Variants in KMT2A observed in about 807,000 individuals in gnomAD.
KMT2A encodes histone-lysine N-methyltransferase 2A.
KMT2A carries 16 observed loss-of-function variants against 345.3 expected under a neutral mutation model. The ratio of observed to expected loss-of-function variants is 0.05; its 90% CI spans 0.03 to 0.07. The LOEUF (loss-of-function observed/expected upper bound fraction) is 0.07, where lower values mean the gene tolerates loss of function less well. KMT2A is among the 10% of genes least tolerant of loss of function. KMT2A has a pLI of 1.00. For missense variants in KMT2A, 3,272 were observed against 4,841.6 expected (o/e 0.68, Z 9.62); for synonymous variants, 1,599 against 1,778.6 (o/e 0.90, Z 2.54).
At chr11:118,492,486 T>C (rs1393471209) in intron 15 of KMT2A, among the ~76,000 whole-genome samples, 1 of 152,206 alleles carries the variant, frequency 6.6e-6, no homozygotes, top group Non-Finnish European at 1.5e-5. Flanking sequence ...AAGACCATCC[T>C]GGCTAACACG....
chr11:118,481,781 T>A lies in KMT2A; in HGVS notation c.3701T>A (p.Val1234Glu). 1.2e-6 allele frequency: 2 copies of A among 1,614,204 alleles called. No homozygotes were observed. Among genetic ancestry groups the A allele is most frequent in the South Asian group, 2.2e-5 (2 of 91,078 alleles). The part of the protein sequence containing the change: ...EKKDSKESSV[V>E]KNVVDSSQKP... Reference sequence around the variant, plus strand: ...AAAGACAGCAAAGAGAGCAGTGTTGTGAAGAACGTGGTGGACTCTAGTCAG... The same window carrying A: ...AAAGACAGCAAAGAGAGCAGTGTTGAGAAGAACGTGGTGGACTCTAGTCAG... Residue 1234 changes from valine (V) to glutamate (E), a missense_variant, in exon 7 of 36, where the codon GTG (valine) becomes GAG (glutamate). Physicochemically the swap from Val to Glu is moderately radical, Grantham distance 121. Transcript: ENST00000534358.
At chr11:118,518,367 G>A (rs1263103269) in intron 31 of KMT2A, among the ~76,000 whole-genome samples, 2 of 152,166 alleles carry the variant, frequency 1.3e-5, no homozygotes, top group Non-Finnish European at 2.9e-5. Context: ...AATAAAAAAT[G>A]CTCATTAACA....
Position 118,504,662 on chromosome 11 carries a change from T to G in KMT2A, c.8770T>G (p.Phe2924Val). Residue 2924 changes from phenylalanine (F) to valine (V), a missense_variant, in exon 27 of 36, where the codon TTT becomes GTT. Phe to Val is a conservative substitution (Grantham distance 50). Around this residue, in one of 27 missense-constraint regions of KMT2A, gnomAD observed 748 missense variants for 922.2 expected, o/e 0.81. Transcript: ENST00000534358. The surrounding 1 kb of genome is among the most constrained non-coding windows in gnomAD (Gnocchi z 6.4). ...TTCCTCTATCTCAGCAGAGGAACAGTTTGAGTTGCCTCTAGAGCTACCATC... is the reference window on the plus strand; with the variant it reads ...TTCCTCTATCTCAGCAGAGGAACAGGTTGAGTTGCCTCTAGAGCTACCATC... ...VSSSISAEEQ[F>V]ELPLELPSDL... 6.2e-7 allele frequency: 1 copy of G among 1,614,184 alleles called. No individual in the cohort carries two copies. The highest frequency in any genetic ancestry group is 8.5e-7 in the Non-Finnish European group (1 of 1,180,010).
chr11:118,508,381 T>G (rs7113959), intron 28 of KMT2A, among the ~76,000 whole-genome samples: 2 of 152,164 alleles, frequency 1.3e-5, no homozygotes, highest in Admixed American at 1.3e-4. Context: ...ATCTACAATA[T>G]TTTAATGAGT....
Position 118,502,954 on chromosome 11 carries a change from T to C in KMT2A, c.7062T>C (p.Phe2354=), listed in dbSNP as rs782164421. 74 of 1,614,088 alleles carry C rather than the reference T, an allele frequency of 4.6e-5. 1 individual carries two copies. Among genetic ancestry groups the C allele is most frequent in the Middle Eastern group, 1.6e-4 (1 of 6,084 alleles). The change falls in exon 27 of 36, where the codon TTT becomes TTC. Residue 2354 remains phenylalanine, a synonymous_variant. Coordinates refer to ENST00000534358, the MANE Select transcript of KMT2A (RefSeq NM_001197104.2). This position sits in a 1 kb window ranked among gnomAD's most constrained non-coding sequence, Gnocchi z 4.9. ...RELNVSKIGS[F]AEPSSVSFSS... ...TGAATGTTAGTAAAATCGGCTCCTT[T>C]GCTGAACCCTCTTCAGTGTCGTTTT...
chr11:118,499,457 A>G (rs1439886218), intron 23 of KMT2A, 37 bp downstream of exon 23: 1 of 1,305,380 alleles, frequency 7.7e-7, no homozygotes, highest in Non-Finnish European at 1.1e-6. Context: ...AAGGCTGTAT[A>G]TATCATTGGG....
At position 118,471,785 on chromosome 11, in the gene KMT2A, A is replaced by G; in HGVS notation, c.626A>G (p.Lys209Arg). 6.2e-7 allele frequency: 1 copy of G among 1,613,740 alleles called. No homozygotes were observed. The highest frequency in any genetic ancestry group is 1.1e-5 in the South Asian group (1 of 91,036). ...AAATCAGAGACCAAATCTGGAGATAAGATCAAGAAGAAAGATTCTAAAAGT... is the reference window on the plus strand; with the variant it reads ...AAATCAGAGACCAAATCTGGAGATAGGATCAAGAAGAAAGATTCTAAAAGT... The part of the protein sequence containing the change: ...LNKSETKSGD[K>R]IKKKDSKSIE... Residue 209 changes from lysine to arginine, a missense_variant, in exon 3 of 36, where the codon AAG becomes AGG. Around this residue, in one of 27 missense-constraint regions of KMT2A, gnomAD observed 412 missense variants for 511.0 expected, o/e 0.81. Transcript: ENST00000534358.
At chr11:118,500,838 G>C in intron 24 of KMT2A, 149 bp from the exon 25 acceptor site, 1 of 482,528 alleles carries the variant, frequency 2.1e-6, no homozygotes, top group Non-Finnish European at 3.6e-6. Context: ...AACCTAACTA[G>C]GGGAATCTAT....
intron 1 of KMT2A, among the ~76,000 whole-genome samples, chr11:118,468,545 C>A (rs1269191685): frequency 2.6e-5 from 4 of 152,126 alleles, no homozygotes; most frequent in African/African-American, 9.7e-5. Flanking sequence ...GATGACATTT[C>A]AATGCATTGT....
chr11:118,506,477 G>C lies in KMT2A; in HGVS notation c.10585G>C (p.Ala3529Pro). 6.2e-7 allele frequency: 1 copy of C among 1,614,212 alleles called. No homozygotes were observed. Among genetic ancestry groups the C allele is most frequent in the East Asian group, 2.2e-5 (1 of 44,886 alleles). ...CTCTCCATCTTCTGGACAGCGGTCA[G>C]CAAGCCCTTCAGTGCCGGGTCCCAC... is the stretch of plus-strand genomic sequence containing the variant. ...PSSPSSGQRS[A>P]SPSVPGPTKP... Residue 3529 changes from alanine to proline, a missense_variant, in exon 27 of 36, where the codon GCA becomes CCA. Physicochemically the swap from Ala to Pro is conservative, Grantham distance 27. Coordinates refer to ENST00000534358, the MANE Select transcript of KMT2A (RefSeq NM_001197104.2).
intron 25 of KMT2A, 56 bp downstream of exon 25, chr11:118,501,203 AT>A: frequency 3.3e-6 from 5 of 1,536,638 alleles, no homozygotes; most frequent in Non-Finnish European, 4.5e-6. Flanking sequence ...CACGCCTGTA[AT>A]CGCAGCACTT....
intron 1 of KMT2A, among the ~76,000 whole-genome samples, chr11:118,453,441 A>G (rs1305728340): frequency 6.6e-6 from 1 of 151,356 alleles, no homozygotes; most frequent in African/African-American, 2.4e-5. Flanking sequence ...TTTTCTTCTT[A>G]ACTCATTGGC....
At position 118,520,264 on chromosome 11, in the gene KMT2A, G is replaced by GT. The variant is rs1322709816; in HGVS notation, c.11429+201dup. 1.4e-5 allele frequency: 8 copies of GT among 562,210 alleles called. No individual in the cohort carries two copies. Among genetic ancestry groups the GT allele is most frequent in the Non-Finnish European group, 2.5e-5 (8 of 319,116 alleles). 34.8% of individuals were successfully genotyped at this position (562,210 alleles called of 1,614,324 possible). A position where few individuals can be genotyped will look rare whatever the true frequency, so the allele number is the denominator to read the frequency against. ...GTACAGAGGAGAAATTCAAAGAACTGTAAGATGCCTGTTTTCTTTAATGAT... is the reference window on the plus strand; with the variant it reads ...GTACAGAGGAGAAATTCAAAGAACTGTTAAGATGCCTGTTTTCTTTAATGAT... On this transcript the variant is annotated intron_variant, in intron 33 of 35. Transcript: ENST00000534358. The surrounding 1 kb of genome is among the most constrained non-coding windows in gnomAD (Gnocchi z 4.3).
At chr11:118,470,368 A>G (rs1470726113) in intron 2 of KMT2A, among the ~76,000 whole-genome samples, 1 of 151,908 alleles carries the variant, frequency 6.6e-6, no homozygotes, top group Non-Finnish European at 1.5e-5. Context: ...CAGGAGTTTT[A>G]TTTTGTTAAT....
chr11:118,467,712 T>C (rs1217240075), intron 1 of KMT2A, among the ~76,000 whole-genome samples: 1 of 152,238 alleles, frequency 6.6e-6, no homozygotes, highest in Non-Finnish European at 1.5e-5. Context: ...CAGAAAATCA[T>C]TGATGTTGTC....
chr11:118,462,310 T>G (rs1949760078), intron 1 of KMT2A, among the ~76,000 whole-genome samples: 1 of 152,024 alleles, frequency 6.6e-6, no homozygotes, highest in African/African-American at 2.4e-5. Context: ...CTTTACTTAG[T>G]TTTTTTGTTT....
Position 118,499,000 on chromosome 11 carries a change from G to A in KMT2A, c.5962-303G>A, listed in dbSNP as rs536983420. Among the ~76,000 whole-genome samples, 6 of 152,252 alleles carry A rather than the reference G, an allele frequency of 3.9e-5. No homozygotes were observed. The highest frequency in any genetic ancestry group is 1.4e-4 in the African/African-American group (6 of 41,536). Reference sequence around the variant, plus strand: ...TATAGTACATAGCCTTTTCAGACTGGCTTCTTCTGCATAGCATTTAAGTTT... The same window carrying A: ...TATAGTACATAGCCTTTTCAGACTGACTTCTTCTGCATAGCATTTAAGTTT... On this transcript the variant is annotated intron_variant, in intron 22 of 35. Coordinates refer to ENST00000534358, the MANE Select transcript of KMT2A (RefSeq NM_001197104.2). The surrounding 1 kb of genome is among the most constrained non-coding windows in gnomAD (Gnocchi z 4.4).
In KMT2A at chr11:118,523,954, CTCT is replaced by C. The variant is rs1160711973; in HGVS notation, c.*1787_*1789del. ...CAGTAATATCTTGATACAACAGATT[CTCT>C]TCTTTCCCGCCTCTCTCCTTTCCGG... On this transcript the variant is annotated 3_prime_UTR_variant, in exon 36 of 36. Transcript: ENST00000534358. The C allele has an allele frequency of 4.9e-6, 1 of 203,254 alleles. No homozygotes were observed. The highest frequency in any genetic ancestry group is 2.3e-5 in the African/African-American group (1 of 43,610). The allele number at this position is 203,254 out of a possible 1,614,324, so 12.6% of individuals were successfully genotyped here. A position where few individuals can be genotyped will look rare whatever the true frequency, so the allele number is the denominator to read the frequency against.
At chr11:118,460,352 G>A (rs943160243) in intron 1 of KMT2A, among the ~76,000 whole-genome samples, 7 of 148,700 alleles carry the variant, frequency 4.7e-5, no homozygotes, top group South Asian at 2.2e-4. Context: ...GCAGTGGCAC[G>A]ATCTCAGCCC....
Sources: allele counts gnomAD v4.1 joint callset (sites outside exome capture counted in the v4.1 genomes callset), GRCh38; gene constraint gnomAD v4.1.1; regional missense constraint gnomAD v4.1.1; non-coding constraint Gnocchi (gnomAD v3.1); transcripts MANE v1.5; gene names NCBI Gene and HGNC (gene_info 2026-07-23, HGNC 2026-07-21).